The following ZNF586 variants were observed in gnomAD, a reference collection of about 807,000 sequenced individuals.
ZNF586 encodes zinc finger protein 586.
A neutral mutation model predicts 6.7 loss-of-function variants in ZNF586; 7 were observed. That is an observed-to-expected ratio of 1.04 (90% CI 0.59 to 1.95). The LOEUF (loss-of-function observed/expected upper bound fraction) is 1.95, where lower values mean the gene tolerates loss of function less well. Ranked by LOEUF, ZNF586 falls within the 30% of genes most tolerant of loss-of-function variation. ZNF586 has a pLI of 0.00. For missense variants in ZNF586, 442 were observed against 489.6 expected, an observed-to-expected ratio of 0.90 and a Z score of 0.92; for synonymous variants, 166 against 168.7, an observed-to-expected ratio of 0.98 and a Z score of 0.12.
Position 57,780,127 on chromosome 19 carries a change from A to AAT in ZNF586, c.*333_*334dup. The AAT allele has an allele frequency of 3.4e-6, 1 of 297,350 alleles. No homozygotes were observed. Among genetic ancestry groups the AAT allele is most frequent in the Non-Finnish European group, 6.2e-6 (1 of 160,856 alleles). The allele number at this position is 297,350 out of a possible 1,614,324, so 18.4% of individuals were successfully genotyped here. On this transcript the variant is annotated 3_prime_UTR_variant, in exon 3 of 3. Transcript: ENST00000396154. ...TGCCTAAATTGAATGTCATACATCA[A>AAT]ATAGCTGCATACATTCCAGGTATGT...
At chr19:57,773,121 T>C (rs922463713) in intron 1 of ZNF586, among the ~76,000 whole-genome samples, 11 of 152,168 alleles carry the variant, frequency 7.2e-5, no homozygotes, top group African/African-American at 2.4e-4. Context: ...TACTACTTAG[T>C]GGAGCTATTA....
chr19:57,774,613 G>T (rs886696262), intron 1 of ZNF586, among the ~76,000 whole-genome samples: 37 of 151,958 alleles, frequency 2.4e-4, no homozygotes, highest in Non-Finnish European at 2.9e-5. Flanking sequence ...CAGCACAGAA[G>T]TGGAATAGAA....
chr19:57,769,903 T>TTGGCCCC, intron 1 of ZNF586, 25 bp downstream of exon 1: 4 of 1,475,814 alleles, frequency 2.7e-6, no homozygotes, highest in Non-Finnish European at 3.6e-6. Context: ...CTCCGGGCCT[T>TTGGCCCC]ACCCACCCTA....
At position 57,776,662 on chromosome 19, in the gene ZNF586, C is replaced by G; in HGVS notation, c.156C>G (p.Ser52=). 2 of 1,602,714 alleles carry G rather than the reference C, an allele frequency of 1.2e-6. No individual in the cohort carries two copies. Among genetic ancestry groups the G allele is most frequent in the Non-Finnish European group, 1.7e-6 (2 of 1,174,908 alleles). The change falls in exon 2 of 3, where the codon TCC becomes TCG. Residue 52 remains serine, a synonymous_variant. Transcript: ENST00000396154. The stretch of plus-strand genomic sequence containing the variant: ...TGCTGGAGACCTTGACACTTATATC[C>G]TCCCTGGGTAAGGTACTCATATTCA... ...DVMLETLTLI[S]SLGCWHGGED...
At position 57,769,703 on chromosome 19, in the gene ZNF586, G is replaced by T; in HGVS notation, c.-140G>T. 2 of 892,348 alleles carry T rather than the reference G, an allele frequency of 2.2e-6. No homozygotes were observed. The highest frequency in any genetic ancestry group is 2.9e-5 in the South Asian group (2 of 69,578). The allele number at this position is 892,348 out of a possible 1,614,324, so 55.3% of individuals were successfully genotyped here. A position where few individuals can be genotyped will look rare whatever the true frequency, so the allele number is the denominator to read the frequency against. ...CTGTCAGGTCCATCCGGCGATGCTG[G>T]GTCTGGACGAGCTCGGGAGGAGTGG... On this transcript the variant is annotated 5_prime_UTR_variant, in exon 1 of 3. Transcript: ENST00000396154.
chr19:57,774,766 A>T, intron 1 of ZNF586: 1 of 985,024 alleles, frequency 1.0e-6, no homozygotes, highest in Non-Finnish European at 1.2e-6. Context: ...ATTTACCAAG[A>T]CTACTGTGGA....
At chr19:57,771,672 G>C (rs1453260510) in intron 1 of ZNF586, among the ~76,000 whole-genome samples, 1 of 152,166 alleles carries the variant, frequency 6.6e-6, no homozygotes, top group Non-Finnish European at 1.5e-5. Context: ...AATAGGCGCT[G>C]TCTGGTTACT....
chr19:57,773,430 GTT>G, intron 1 of ZNF586, among the ~76,000 whole-genome samples: 1 of 130,196 alleles, frequency 7.7e-6, no homozygotes, highest in South Asian at 2.3e-4. Context: ...TTGAGACAGA[GTT>G]TTGCTTTGTC....
At chr19:57,770,043 G>C (rs1600077021) in intron 1 of ZNF586, among the ~76,000 whole-genome samples, 165 bp downstream of exon 1, 1 of 152,314 alleles carries the variant, frequency 6.6e-6, no homozygotes, top group East Asian at 1.9e-4. Flanking sequence ...TGATGCGGTC[G>C]GCAGAGCGAG....
Position 57,780,072 on chromosome 19 carries a change from CT to C in ZNF586, c.*277del. 1 of 439,476 alleles carries C rather than the reference CT, an allele frequency of 2.3e-6. No homozygotes were observed. The highest frequency in any genetic ancestry group is 3.8e-5 in the South Asian group (1 of 26,254). The allele number at this position is 439,476 out of a possible 1,614,324, so 27.2% of individuals were successfully genotyped here. A position where few individuals can be genotyped will look rare whatever the true frequency, so the allele number is the denominator to read the frequency against. On this transcript the variant is annotated 3_prime_UTR_variant, in exon 3 of 3. Transcript: ENST00000396154. Reference sequence around the variant, plus strand: ...ATATTATTTTTTCTTCAATATAACACTGGAGGAAACCCCTTATGAGGATGCC... The same window carrying C: ...ATATTATTTTTTCTTCAATATAACACGGAGGAAACCCCTTATGAGGATGCC...
At chr19:57,778,059 A>G (rs1188016868) in intron 2 of ZNF586, among the ~76,000 whole-genome samples, 1 of 145,988 alleles carries the variant, frequency 6.8e-6, no homozygotes, top group Non-Finnish European at 1.5e-5. Context: ...CCCAGCCTCT[A>G]TGGAGTATAT....
In ZNF586 at chr19:57,779,096, C is replaced by T. The variant is rs768222395; in HGVS notation, c.509C>T (p.Thr170Ile). The change falls in exon 3 of 3, where the codon ACA becomes ATA. Residue 170 changes from threonine (T) to isoleucine (I), a missense_variant. Thr to Ile is a moderately conservative substitution (Grantham distance 89, BLOSUM62 -1). Transcript: ENST00000396154. ...AGCTCTTCACTCTTGCAGCGTCAGA[C>T]ACTTCACACTAGAGAAAGGCCTTAT... Reference protein sequence around the residue: ...HQSSSLLQRQTLHTRERPYEC... With the variant: ...HQSSSLLQRQILHTRERPYEC... 6.2e-6 allele frequency: 10 copies of T among 1,612,250 alleles called. No homozygotes were observed. In the Admixed American group the frequency reaches 1.7e-4, roughly 27 times the overall value.
rs778662080 is a variant in ZNF586, at chr19:57,776,688, C to A, written c.163+19C>A. ...TCCCTGGGTAAGGTACTCATATTCA[C>A]CTGTGACCTGAGTTAGTCTGTGCCC... is the stretch of plus-strand genomic sequence containing the variant. On this transcript the variant is annotated intron_variant, in intron 2 of 2. Coordinates refer to ENST00000396154, the MANE Select transcript of ZNF586 (RefSeq NM_017652.4). 5.7e-6 allele frequency: 9 copies of A among 1,582,446 alleles called. No individual in the cohort carries two copies. The highest frequency in any genetic ancestry group is 6.9e-6 in the Non-Finnish European group (8 of 1,164,904).
At chr19:57,775,854 G>A (rs1023717052) in intron 1 of ZNF586, among the ~76,000 whole-genome samples, 3 of 152,036 alleles carry the variant, frequency 2.0e-5, no homozygotes, top group Admixed American at 2.0e-4. Flanking sequence ...CACCCGCCTC[G>A]GCGTCCCAAA....
At chr19:57,775,662 G>A (rs900398471) in intron 1 of ZNF586, among the ~76,000 whole-genome samples, 1 of 147,250 alleles carries the variant, frequency 6.8e-6, no homozygotes, top group African/African-American at 2.6e-5. Context: ...GAGTGCAGTG[G>A]TGCCATCTAG....
chr19:57,774,407 C>T (rs1987175353), intron 1 of ZNF586, among the ~76,000 whole-genome samples: 1 of 151,422 alleles, frequency 6.6e-6, no homozygotes, highest in South Asian at 2.1e-4. Flanking sequence ...CCTCTAATCC[C>T]AGCTACTCGG....
At chr19:57,776,927 G>A (rs575496965) in intron 2 of ZNF586, among the ~76,000 whole-genome samples, 2 of 152,264 alleles carry the variant, frequency 1.3e-5, no homozygotes, top group Non-Finnish European at 2.9e-5. Flanking sequence ...CACCTTGGTT[G>A]TCCTCTGCCT....
chr19:57,770,283 A>C (rs1038516309), intron 1 of ZNF586, among the ~76,000 whole-genome samples: 1 of 149,736 alleles, frequency 6.7e-6, no homozygotes. Flanking sequence ...CAGCCTCCCG[A>C]GTAGCTGGGA....
In ZNF586 at chr19:57,776,669, G is replaced by A. The variant is rs1987245196; in HGVS notation, c.163G>A (p.Gly55Ser). The change falls in exon 2 of 3, where the codon GGT (glycine) becomes AGT (serine). Residue 55 changes from glycine (G) to serine (S), a missense_variant and splice_region_variant. Transcript: ENST00000396154. ...LETLTLISSL[G>S]CWHGGEDEAA... ...GACCTTGACACTTATATCCTCCCTG[G>A]GTAAGGTACTCATATTCACCTGTGA... 13 of 1,597,146 alleles carry A rather than the reference G, an allele frequency of 8.1e-6. No homozygotes were observed. The highest frequency in any genetic ancestry group is 1.1e-5 in the Non-Finnish European group (13 of 1,172,478).
Sources: allele counts gnomAD v4.1 joint callset (sites outside exome capture counted in the v4.1 genomes callset), GRCh38; gene constraint gnomAD v4.1.1; transcripts MANE v1.5; gene names NCBI Gene and HGNC (gene_info 2026-07-23, HGNC 2026-07-21).